SSBP3: variants seen among roughly 807,000 people sequenced by gnomAD.
The protein encoded by SSBP3 is single stranded DNA binding protein 3, also known as single-stranded DNA-binding protein 3.
SSBP3 carries 5 observed loss-of-function variants against 69.6 expected under a neutral mutation model. The observed-to-expected ratio is 0.07, with a 90% confidence interval of 0.04 to 0.15. The LOEUF is 0.15. SSBP3 is among the 10% of genes least tolerant of loss of function. The probability of loss-of-function intolerance (pLI) is 1.00; values close to 1 mark genes in which losing one functional copy is unlikely to be tolerated. For synonymous variants in SSBP3, 196 were observed against 193.4 expected (o/e 1.01, Z -0.11); for missense variants, 312 against 534.0 (o/e 0.58, Z 4.10).
chr1:54,250,603 GA>G (rs1463574151), intron 9 of SSBP3, among the ~76,000 whole-genome samples: 5 of 152,142 alleles, frequency 3.3e-5, no homozygotes, highest in African/African-American at 1.2e-4. Flanking sequence ...CCCAGAGCCT[GA>G]ACACCTGCAC....
intron 4 of SSBP3, among the ~76,000 whole-genome samples, chr1:54,324,602 A>C (rs1174424269): frequency 2.0e-5 from 3 of 152,206 alleles, no homozygotes; most frequent in African/African-American, 7.2e-5. Context: ...CGAGGAGAGA[A>C]GGCCAGCCTG....
At chr1:54,370,191 C>A (rs1036326308) in intron 4 of SSBP3, among the ~76,000 whole-genome samples, 11 of 152,264 alleles carry the variant, frequency 7.2e-5, no homozygotes, top group Admixed American at 1.3e-4. Context: ...TGGTGGCTGG[C>A]TGTCAAGCAG....
chr1:54,384,379 C>T (rs1473115877), intron 4 of SSBP3, among the ~76,000 whole-genome samples: 1 of 152,206 alleles, frequency 6.6e-6, no homozygotes, highest in African/African-American at 2.4e-5. Flanking sequence ...CATTCAAATG[C>T]ACAGACTGCA....
intron 4 of SSBP3, among the ~76,000 whole-genome samples, chr1:54,400,620 C>T (rs1029675980): frequency 6.6e-6 from 1 of 152,240 alleles, no homozygotes; most frequent in African/African-American, 2.4e-5. Flanking sequence ...GGAACAAGAA[C>T]TGCTCAATTT....
intron 4 of SSBP3, among the ~76,000 whole-genome samples, chr1:54,313,056 T>C (rs1473169600): frequency 7.1e-6 from 1 of 141,720 alleles, no homozygotes; most frequent in African/African-American, 2.7e-5. Flanking sequence ...GAGCAGGAAG[T>C]GTTCATTCCA....
intron 4 of SSBP3, among the ~76,000 whole-genome samples, chr1:54,334,592 C>T (rs1180110898): frequency 6.6e-6 from 1 of 152,166 alleles, no homozygotes; most frequent in Non-Finnish European, 1.5e-5. Context: ...CTTAACCTCT[C>T]CAAGCCAGGG....
chr1:54,317,402 T>C (rs1646132446), intron 4 of SSBP3, among the ~76,000 whole-genome samples: 1 of 151,914 alleles, frequency 6.6e-6, no homozygotes, highest in Non-Finnish European at 1.5e-5. Context: ...CCGGGTGTGG[T>C]GGCAGGCGCC....
chr1:54,267,836 G>C (rs570665710), intron 5 of SSBP3, among the ~76,000 whole-genome samples: 1 of 152,220 alleles, frequency 6.6e-6, no homozygotes, highest in South Asian at 2.1e-4. Flanking sequence ...TCTGTGAGTG[G>C]CTCCTTCCAT....
At chr1:54,296,148 G>A (rs1041668969) in intron 4 of SSBP3, among the ~76,000 whole-genome samples, 4 of 152,280 alleles carry the variant, frequency 2.6e-5, no homozygotes, top group African/African-American at 9.6e-5. Context: ...GTAACTTTAA[G>A]GAACAGACCA....
intron 5 of SSBP3, among the ~76,000 whole-genome samples, chr1:54,264,097 T>C (rs1645061623): frequency 1.3e-5 from 2 of 152,108 alleles, no homozygotes; most frequent in African/African-American, 4.8e-5. Context: ...GCCCAGGAGT[T>C]TGAGACCAGC....
intron 4 of SSBP3, among the ~76,000 whole-genome samples, chr1:54,331,636 T>C (rs1646412257): frequency 6.6e-6 from 1 of 152,200 alleles, no homozygotes; most frequent in Admixed American, 6.5e-5. Flanking sequence ...GGGCTATCAC[T>C]CCTGCCCTGC....
At chr1:54,264,553 C>G (rs1177374962) in intron 5 of SSBP3, among the ~76,000 whole-genome samples, 1 of 152,236 alleles carries the variant, frequency 6.6e-6, no homozygotes, top group Non-Finnish European at 1.5e-5. Flanking sequence ...AGGCTGTGAC[C>G]TGTGCTGAAG....
intron 5 of SSBP3, among the ~76,000 whole-genome samples, chr1:54,278,427 A>G (rs1028969353): frequency 6.6e-6 from 1 of 152,048 alleles, no homozygotes; most frequent in African/African-American, 2.4e-5. Context: ...CCACGGGACC[A>G]GACAGGTACT....
chr1:54,278,826 T>A (rs904249449), intron 5 of SSBP3, among the ~76,000 whole-genome samples: 1 of 152,248 alleles, frequency 6.6e-6, no homozygotes, highest in Non-Finnish European at 1.5e-5. Flanking sequence ...TGGTAACAGA[T>A]AAAATCCTCG....
At chr1:54,235,618 A>G (rs1298731991) in intron 14 of SSBP3, among the ~76,000 whole-genome samples, 1 of 151,476 alleles carries the variant, frequency 6.6e-6, no homozygotes. Context: ...ACGCCTGGCT[A>G]ATTTTCGTAT....
At chr1:54,262,342 G>T (rs890806701) in intron 5 of SSBP3, among the ~76,000 whole-genome samples, 3 of 152,198 alleles carry the variant, frequency 2.0e-5, no homozygotes, top group Non-Finnish European at 4.4e-5. Context: ...TCTGATTCTA[G>T]AGTCTAACAG....
intron 5 of SSBP3, among the ~76,000 whole-genome samples, chr1:54,270,412 G>C (rs1645172926): frequency 6.6e-6 from 1 of 152,170 alleles, no homozygotes; most frequent in African/African-American, 2.4e-5. Context: ...AAGGTGGCAG[G>C]GGCTAAGGGA....
chr1:54,283,812 T>C (rs1488272020), intron 4 of SSBP3, among the ~76,000 whole-genome samples: 1 of 152,230 alleles, frequency 6.6e-6, no homozygotes, highest in Non-Finnish European at 1.5e-5. Context: ...CACAGGCCCC[T>C]GCCTTGCCCC....
At chr1:54,287,813 C>A in intron 4 of SSBP3, among the ~76,000 whole-genome samples, 1 of 152,126 alleles carries the variant, frequency 6.6e-6, no homozygotes, top group East Asian at 1.9e-4. Flanking sequence ...GAAGAGGATT[C>A]CTGGTTTCAT....
Sources: gnomAD v4.1 joint callset for allele counts (sites outside exome capture counted in the v4.1 genomes callset) on GRCh38, gnomAD v4.1.1 for gene constraint, MANE v1.5 for transcripts, NCBI Gene and HGNC (gene_info 2026-07-23, HGNC 2026-07-21) for gene names.